The following RBFOX1 variants were observed in gnomAD, a reference collection of about 807,000 sequenced individuals.
RBFOX1 encodes RNA binding protein fox-1 homolog 1.
A neutral mutation model predicts 57.7 loss-of-function variants in RBFOX1; 8 were observed. The observed-to-expected ratio is 0.14, with a 90% CI of 0.08 to 0.25. The LOEUF (loss-of-function observed/expected upper bound fraction) is 0.25, where lower values mean the gene tolerates loss of function less well. RBFOX1 is among the 10% of genes least tolerant of loss of function. The probability of loss-of-function intolerance (pLI) is 1.00; values close to 1 mark genes in which losing one functional copy is unlikely to be tolerated. For missense variants in RBFOX1, 611 were observed against 548.5 expected (o/e 1.11, Z -1.14); for synonymous variants, 326 against 222.4 (o/e 1.47, Z -4.15).
rs545496999 is a variant in RBFOX1, at chr16:6,004,324, C to T, written c.351+136989C>T. 5.9e-5 allele frequency among the ~76,000 whole-genome samples: 9 copies of T among 152,278 alleles called. No individual in the cohort carries two copies. In the South Asian group the frequency reaches 1.9e-3, roughly 32 times the overall value. On this transcript the variant is annotated intron_variant, in intron 4 of 19. Transcript: ENST00000641259. Reference sequence around the variant, plus strand: ...CATTTCACTTAGCTTCTCTAAGCCTCAGTTTTCTTATCTGCAAAATGGAGA... The same window carrying T: ...CATTTCACTTAGCTTCTCTAAGCCTTAGTTTTCTTATCTGCAAAATGGAGA...
intron 3 of RBFOX1, among the ~76,000 whole-genome samples, chr16:6,797,156 C>T (rs2084257727): frequency 6.6e-6 from 1 of 152,154 alleles, no homozygotes; most frequent in Non-Finnish European, 1.5e-5. Context: ...TAGGCAGCAG[C>T]AGCAGCAGAA....
intron 3 of RBFOX1, among the ~76,000 whole-genome samples, chr16:7,030,007 G>A (rs2042377746): frequency 6.6e-6 from 1 of 152,184 alleles, no homozygotes; most frequent in Admixed American, 6.5e-5. Flanking sequence ...TCACGTGTGT[G>A]TGATCCCTTT....
At chr16:5,791,713 G>GCA (rs1316122213) in intron 3 of RBFOX1, among the ~76,000 whole-genome samples, 1 of 152,080 alleles carries the variant, frequency 6.6e-6, no homozygotes, top group Non-Finnish European at 1.5e-5. Context: ...AAAAAAATTA[G>GCA]CACACACACA....
intron 2 of RBFOX1, among the ~76,000 whole-genome samples, chr16:6,413,318 TC>T (rs1317978116): frequency 3.3e-5 from 2 of 61,432 alleles, no homozygotes; most frequent in Admixed American, 2.0e-4. Flanking sequence ...AAACTACATC[TC>T]AAAAAAAAAA....
chr16:7,182,057 CT>C (rs1418609908), intron 4 of RBFOX1, among the ~76,000 whole-genome samples: 1 of 152,212 alleles, frequency 6.6e-6, no homozygotes, highest in African/African-American at 2.4e-5. Context: ...ATAATCTTCA[CT>C]GATAAACTGA....
intron 3 of RBFOX1, among the ~76,000 whole-genome samples, chr16:6,962,636 C>T (rs1242994086): frequency 1.3e-5 from 2 of 151,978 alleles, no homozygotes; most frequent in East Asian, 3.9e-4. Context: ...AGGCCGAGGC[C>T]GGTAGATTGG....
Position 5,721,703 on chromosome 16 carries a change from C to A in RBFOX1, c.318+122742C>A, listed in dbSNP as rs1341987580. 2.0e-5 allele frequency among the ~76,000 whole-genome samples: 3 copies of A among 152,244 alleles called. No homozygotes were observed. In the East Asian group the frequency reaches 5.8e-4, roughly 29 times the overall value. On this transcript the variant is annotated intron_variant, in intron 3 of 19. Coordinates refer to the RBFOX1 transcript ENST00000641259. ...GTTGCTAGGTTTTGCCAAATGCTTT[C>A]TCTGCATCTATTGAAATAATCATGA...
At chr16:6,608,740 C>G (rs150285296) in intron 2 of RBFOX1, among the ~76,000 whole-genome samples, 9 of 152,344 alleles carry the variant, frequency 5.9e-5, no homozygotes, top group African/African-American at 2.2e-4. Context: ...CCACTGCATT[C>G]TAACCTGTGC....
At chr16:5,973,845 C>G (rs947884821) in intron 4 of RBFOX1, among the ~76,000 whole-genome samples, 1 of 152,166 alleles carries the variant, frequency 6.6e-6, no homozygotes, top group Non-Finnish European at 1.5e-5. Context: ...TGGGGCTTAT[C>G]CAAACTTAGC....
intron 1 of RBFOX1, among the ~76,000 whole-genome samples, chr16:6,048,464 GTAA>G (rs2095517814): frequency 6.6e-6 from 1 of 152,070 alleles, no homozygotes; most frequent in African/African-American, 2.4e-5. Flanking sequence ...AATGTTCCCG[GTAA>G]TAATAATGGA....
chr16:5,595,694 C>T (rs936971784), intron 2 of RBFOX1, among the ~76,000 whole-genome samples: 6 of 152,212 alleles, frequency 3.9e-5, no homozygotes, highest in Non-Finnish European at 5.9e-5. Flanking sequence ...GCCACTACCT[C>T]CCTCGCTGCA....
chr16:7,643,381 A>G (rs2143632748), intron 11 of RBFOX1, among the ~76,000 whole-genome samples: 1 of 152,368 alleles, frequency 6.6e-6, no homozygotes, highest in South Asian at 2.1e-4. Context: ...CCCAAGTTGT[A>G]ATGTGATATT....
At chr16:6,355,264 C>G (rs765907418) in intron 2 of RBFOX1, among the ~76,000 whole-genome samples, 1 of 152,078 alleles carries the variant, frequency 6.6e-6, no homozygotes, top group South Asian at 2.1e-4. Context: ...AGATATTTCT[C>G]CTAATGTTAT....
At chr16:6,501,998 T>C (rs1416876998) in intron 2 of RBFOX1, among the ~76,000 whole-genome samples, 1 of 152,184 alleles carries the variant, frequency 6.6e-6, no homozygotes, top group African/African-American at 2.4e-5. Flanking sequence ...CTAGGGATCG[T>C]GTGTCCTTGA....
chr16:6,575,347 C>G (rs950585834), intron 2 of RBFOX1, among the ~76,000 whole-genome samples: 1 of 152,086 alleles, frequency 6.6e-6, no homozygotes, highest in African/African-American at 2.4e-5. Context: ...ATACTAAGTC[C>G]TCTCAACATT....
intron 3 of RBFOX1, among the ~76,000 whole-genome samples, chr16:6,870,829 C>T (rs972893075): frequency 2.6e-5 from 4 of 152,178 alleles, no homozygotes; most frequent in Admixed American, 2.6e-4. Flanking sequence ...CTTATGACTT[C>T]TTGTCGCTCT....
At chr16:5,450,248 A>T (rs762669530) in intron 1 of RBFOX1, among the ~76,000 whole-genome samples, 1 of 152,150 alleles carries the variant, frequency 6.6e-6, no homozygotes, top group Non-Finnish European at 1.5e-5. Context: ...TTCCACCTTG[A>T]AGAAAAATGC....
In RBFOX1 at chr16:5,523,152, G is replaced by C. The variant is rs1000406085; in HGVS notation, c.258+55898G>C. Among the ~76,000 whole-genome samples the C allele has an allele frequency of 5.3e-5, 8 of 152,242 alleles. No homozygotes were observed. In the South Asian group the frequency reaches 1.7e-3, roughly 32 times the overall value. The stretch of plus-strand genomic sequence containing the variant: ...AGTATAAAAATTAGCTGGGTTTGGT[G>C]GTGCATGCCTGTAATTCCAGCTACT... On this transcript the variant is annotated intron_variant, in intron 2 of 2. Transcript: ENST00000585867.
intron 2 of RBFOX1, among the ~76,000 whole-genome samples, chr16:6,440,488 A>T (rs1160765068): frequency 6.6e-6 from 1 of 152,140 alleles, no homozygotes; most frequent in Non-Finnish European, 1.5e-5. Context: ...GAAAGAGACT[A>T]TATGACAAGG....
Sources: gnomAD v4.1 joint callset for allele counts (sites outside exome capture counted in the v4.1 genomes callset) on GRCh38, gnomAD v4.1.1 for gene constraint, MANE v1.5 for transcripts, NCBI Gene and HGNC (gene_info 2026-07-23, HGNC 2026-07-21) for gene names.